The following TENM3 variants were observed in gnomAD, a reference collection of about 807,000 sequenced individuals.
TENM3 encodes the protein teneurin transmembrane protein 3, also known as teneurin-3.
A neutral mutation model predicts 255.1 loss-of-function variants in TENM3; 63 were observed. The ratio of observed to expected loss-of-function variants is 0.25; its 90% CI spans 0.20 to 0.30. The LOEUF (loss-of-function observed/expected upper bound fraction) is 0.30, where lower values mean the gene tolerates loss of function less well. Ranked by LOEUF, TENM3 falls within the 10% of genes least tolerant of loss-of-function variation. The pLI is 1.00. For synonymous variants in TENM3, 1,306 were observed against 1,322.3 expected (o/e 0.99, Z 0.27); for missense variants, 2,929 against 3,461.1 (o/e 0.85, Z 3.86).
chr4:182,604,871 G>A (rs1322956033), intron 4 of TENM3, among the ~76,000 whole-genome samples: 1 of 152,056 alleles, frequency 6.6e-6, no homozygotes, highest in East Asian at 1.9e-4. Flanking sequence ...ATATTAAATT[G>A]CCTCTTTATT....
chr4:181,497,429 G>A, the TENM3 span, among the ~76,000 whole-genome samples: 3,114 of 152,172 alleles, frequency 0.02, 95 homozygotes, highest in African/African-American at 0.068. Flanking sequence ...GTGGTAATTG[G>A]TTGGAAGTGC....
chr4:182,762,307 T>G (rs1396001057), intron 22 of TENM3, among the ~76,000 whole-genome samples: 1 of 152,224 alleles, frequency 6.6e-6, no homozygotes, highest in Non-Finnish European at 1.5e-5. Flanking sequence ...AGTTTCCTCT[T>G]TAAACTCGTT....
chr4:181,709,871 G>A, the TENM3 span, among the ~76,000 whole-genome samples: 1 of 152,146 alleles, frequency 6.6e-6, no homozygotes, highest in South Asian at 2.1e-4. Flanking sequence ...AGAAAATCAG[G>A]GATGAATCAA....
intron 12 of TENM3, among the ~76,000 whole-genome samples, chr4:182,701,210 C>CTTTTGTTTTTTTTTTTTT (rs1757833236): frequency 2.6e-5 from 1 of 38,644 alleles, no homozygotes; most frequent in Non-Finnish European, 4.3e-5. Flanking sequence ...CAACTCTTGA[C>CTTTTGTTTTTTTTTTTTT]TTTTTTTTTT....
chr4:182,051,854 AATTACCTT>A, the TENM3 span, among the ~76,000 whole-genome samples: 1 of 152,174 alleles, frequency 6.6e-6, no homozygotes, highest in African/African-American at 2.4e-5. Context: ...GCAATAATTG[AATTACCTT>A]CTCAGAAAGT....
At chr4:182,173,558 C>G (rs1752244998) in intron 1 of TENM3, among the ~76,000 whole-genome samples, 1 of 152,076 alleles carries the variant, frequency 6.6e-6, no homozygotes, top group Admixed American at 6.6e-5. Flanking sequence ...GTATCAAGGT[C>G]AGGTGCACGG....
the TENM3 span, among the ~76,000 whole-genome samples, chr4:181,563,902 A>G: frequency 3.9e-5 from 6 of 151,968 alleles, no homozygotes; most frequent in Non-Finnish European, 5.9e-5. Context: ...TTTCTATCAT[A>G]TTTCATTGAT....
intron 3 of TENM3, among the ~76,000 whole-genome samples, chr4:182,375,257 G>A (rs964713347): frequency 1.3e-5 from 2 of 151,776 alleles, no homozygotes; most frequent in African/African-American, 4.8e-5. Flanking sequence ...TAGATCATAA[G>A]TATCAAGAAA....
intron 13 of TENM3, among the ~76,000 whole-genome samples, chr4:182,720,941 T>C (rs1263895873): frequency 3.3e-5 from 5 of 152,008 alleles, no homozygotes; most frequent in Non-Finnish European, 7.4e-5. Flanking sequence ...CTAATTTTTG[T>C]ATTTTTAGTA....
intron 12 of TENM3, among the ~76,000 whole-genome samples, chr4:182,701,437 G>A (rs1405621152): frequency 6.6e-6 from 1 of 151,676 alleles, no homozygotes; most frequent in South Asian, 2.1e-4. Context: ...AGCCAGGATG[G>A]TCTCAAGCTC....
At chr4:181,836,210 A>AC in the TENM3 span, among the ~76,000 whole-genome samples, 1 of 78,092 alleles carries the variant, frequency 1.3e-5, no homozygotes, top group African/African-American at 3.6e-5. Context: ...CACACACACA[A>AC]CTTCCCCTTT....
the TENM3 span, among the ~76,000 whole-genome samples, chr4:181,951,441 G>T: frequency 8.6e-3 from 1,317 of 152,336 alleles, 19 homozygotes; most frequent in African/African-American, 0.03. Flanking sequence ...GTTTTTACAT[G>T]TGACATGTTG....
the TENM3 span, among the ~76,000 whole-genome samples, chr4:181,794,965 A>G: frequency 1.3e-5 from 2 of 152,166 alleles, no homozygotes; most frequent in African/African-American, 4.8e-5. Flanking sequence ...TTCACCTACC[A>G]GTTTGCAAGG....
the TENM3 span, among the ~76,000 whole-genome samples, chr4:181,582,746 C>T: frequency 2.0e-5 from 3 of 151,618 alleles, no homozygotes; most frequent in African/African-American, 7.3e-5. Context: ...CTGAGAATAG[C>T]AGCCCAGGGT....
the TENM3 span, among the ~76,000 whole-genome samples, chr4:182,092,396 C>T: frequency 6.6e-6 from 1 of 152,030 alleles, no homozygotes; most frequent in Non-Finnish European, 1.5e-5. Context: ...GCCTATAATC[C>T]CAGAGCTTTG....
rs34376758 is a variant in TENM3 at position 182,230,127 on chromosome 4, TAAAA to T, written c.-76+85391_-76+85394del. On this transcript the variant is annotated intron_variant, in intron 1 of 2. Coordinates refer to the TENM3 transcript ENST00000512480. The stretch of plus-strand genomic sequence containing the variant: ...ATGTCCGCTGCTTGCTTGATGCTAC[TAAAA>T]AAAAAAAAAAAAAAAAATCTTCCCA... Among the ~76,000 whole-genome samples, 645 of 134,186 alleles carry T rather than the reference TAAAA, an allele frequency of 4.8e-3. 4 individuals carry two copies. Among genetic ancestry groups the T allele is most frequent in the Non-Finnish European group, 4.5e-3 (281 of 63,076 alleles). The allele number at this position is 134,186 out of a possible 152,430, so 88.0% of individuals were successfully genotyped here.
chr4:181,727,834 A>G, the TENM3 span, among the ~76,000 whole-genome samples: 10 of 152,194 alleles, frequency 6.6e-5, no homozygotes, highest in Non-Finnish European at 8.8e-5. Context: ...GAGTTCAGCT[A>G]ATAAGGATCA....
chr4:182,630,906 A>T lies in TENM3; in HGVS notation c.988+2017A>T, dbSNP rs572330027. ...CTTCCAGTTGTTAAATATTTTGAAT[A>T]TCAATTCTAATGCCATTTAATTTTA... On this transcript the variant is annotated intron_variant, in intron 5 of 27. Transcript: ENST00000511685. Among the ~76,000 whole-genome samples, 436 of 152,200 alleles carry T rather than the reference A, an allele frequency of 2.9e-3. 5 individuals are homozygous for T. The highest frequency in any genetic ancestry group is 3.6e-3 in the Non-Finnish European group (247 of 68,022).
intron 1 of TENM3, among the ~76,000 whole-genome samples, chr4:182,305,435 A>G (rs1762078917): frequency 6.6e-6 from 1 of 152,332 alleles, no homozygotes; most frequent in East Asian, 1.9e-4. Flanking sequence ...GGCCGTGAAT[A>G]CTGTGCTGGA....
Sources: allele counts gnomAD v4.1 joint callset (sites outside exome capture counted in the v4.1 genomes callset), GRCh38; gene constraint gnomAD v4.1.1; transcripts MANE v1.5; gene names NCBI Gene and HGNC (gene_info 2026-07-23, HGNC 2026-07-21).